SLC25A21: variants seen among roughly 807,000 people sequenced by gnomAD.
SLC25A21 encodes mitochondrial 2-oxodicarboxylate carrier.
Under a neutral mutation model 43.8 loss-of-function variants are expected in SLC25A21, and 47 were observed. The ratio of observed to expected loss-of-function variants is 1.07; its 90% CI spans 0.85 to 1.37. The LOEUF (loss-of-function observed/expected upper bound fraction) is 1.37, where lower values mean the gene tolerates loss of function less well. Ranked by LOEUF, SLC25A21 falls within the 40% of genes most tolerant of loss-of-function variation. SLC25A21 has a pLI of 0.00. For missense variants in SLC25A21, 352 were observed against 350.2 expected (o/e 1.00, Z -0.04); for synonymous variants, 131 against 121.3 (o/e 1.08, Z -0.52).
At chr14:36,898,376 G>A (rs183258256) in intron 1 of SLC25A21, among the ~76,000 whole-genome samples, 28 of 152,282 alleles carry the variant, frequency 1.8e-4, no homozygotes, top group South Asian at 8.3e-4. Flanking sequence ...TGCTAAGACC[G>A]TTGGAAAAGC....
At chr14:36,868,555 G>A (rs956685138) in intron 2 of SLC25A21, among the ~76,000 whole-genome samples, 10 of 152,198 alleles carry the variant, frequency 6.6e-5, no homozygotes, top group South Asian at 4.2e-4. Flanking sequence ...CTGGAATCTC[G>A]CCATAAAATA....
At chr14:37,058,371 A>T (rs1401086721) in intron 1 of SLC25A21, among the ~76,000 whole-genome samples, 1 of 152,224 alleles carries the variant, frequency 6.6e-6, no homozygotes, top group Non-Finnish European at 1.5e-5. Flanking sequence ...TGTGTATGCA[A>T]CTATTGAAAC....
intron 3 of SLC25A21, among the ~76,000 whole-genome samples, chr14:36,751,644 C>T (rs896380574): frequency 6.6e-6 from 1 of 152,168 alleles, no homozygotes; most frequent in African/African-American, 2.4e-5. Flanking sequence ...GTTTTCAGGA[C>T]CATTCACTTA....
At chr14:37,108,340 T>C (rs1428420902) in intron 1 of SLC25A21, among the ~76,000 whole-genome samples, 2 of 152,158 alleles carry the variant, frequency 1.3e-5, no homozygotes, top group South Asian at 2.1e-4. Context: ...AAATTTATGA[T>C]AGAAACCCAG....
At chr14:36,935,448 G>T (rs1267563710) in intron 1 of SLC25A21, among the ~76,000 whole-genome samples, 1 of 152,256 alleles carries the variant, frequency 6.6e-6, no homozygotes, top group African/African-American at 2.4e-5. Context: ...GCACACTGTG[G>T]TTCTCTTTTT....
intron 1 of SLC25A21, among the ~76,000 whole-genome samples, chr14:37,148,328 A>G (rs1963703281): frequency 6.6e-6 from 1 of 152,194 alleles, no homozygotes; most frequent in Admixed American, 6.5e-5. Context: ...GTAGCTACAC[A>G]TTGTATATTT....
At chr14:37,139,992 G>A (rs955948360) in intron 1 of SLC25A21, among the ~76,000 whole-genome samples, 1 of 152,184 alleles carries the variant, frequency 6.6e-6, no homozygotes, top group Non-Finnish European at 1.5e-5. Context: ...TAAAATTAAA[G>A]CATCACTGAA....
chr14:36,945,874 G>C (rs1414482063), intron 1 of SLC25A21, among the ~76,000 whole-genome samples: 2 of 152,066 alleles, frequency 1.3e-5, no homozygotes, highest in African/African-American at 4.8e-5. Context: ...TAAATTTTAT[G>C]TTATGTGTAT....
chr14:36,950,000 T>C (rs577254992), intron 1 of SLC25A21, among the ~76,000 whole-genome samples: 4 of 152,290 alleles, frequency 2.6e-5, no homozygotes, highest in Admixed American at 6.5e-5. Context: ...ATAACGGTAA[T>C]GTACAGTCTG....
intron 7 of SLC25A21, among the ~76,000 whole-genome samples, chr14:36,702,578 T>C (rs1883327746): frequency 6.6e-6 from 1 of 152,014 alleles, no homozygotes; most frequent in African/African-American, 2.4e-5. Flanking sequence ...ATTAGAATAC[T>C]TGTTTATAAA....
chr14:36,996,412 C>A (rs550758690), intron 1 of SLC25A21, among the ~76,000 whole-genome samples: 1 of 152,168 alleles, frequency 6.6e-6, no homozygotes, highest in South Asian at 2.1e-4. Flanking sequence ...TGGAGCCAGA[C>A]GACCAGGTTT....
intron 1 of SLC25A21, among the ~76,000 whole-genome samples, chr14:36,972,845 T>C (rs2138688512): frequency 6.6e-6 from 1 of 152,086 alleles, no homozygotes; most frequent in Admixed American, 6.5e-5. Context: ...TGTTTGTTTG[T>C]TTTGAGACAA....
At chr14:36,769,036 C>G (rs948668415) in intron 3 of SLC25A21, among the ~76,000 whole-genome samples, 1 of 152,004 alleles carries the variant, frequency 6.6e-6, no homozygotes, top group African/African-American at 2.4e-5. Flanking sequence ...AACTCATGTG[C>G]TAGACTGTCT....
intron 1 of SLC25A21, among the ~76,000 whole-genome samples, chr14:36,950,590 G>C (rs762522901): frequency 6.6e-5 from 10 of 152,122 alleles, no homozygotes; most frequent in Non-Finnish European, 1.3e-4. Flanking sequence ...CACCCAGTCT[G>C]TGGTATATTG....
At chr14:37,125,322 C>T (rs542224234) in intron 1 of SLC25A21, among the ~76,000 whole-genome samples, 22 of 152,284 alleles carry the variant, frequency 1.4e-4, no homozygotes, top group African/African-American at 4.6e-4. Context: ...TTAACATAAA[C>T]AGCTATGAAA....
chr14:36,831,861 AC>A (rs2138481571), intron 2 of SLC25A21, among the ~76,000 whole-genome samples: 1 of 152,336 alleles, frequency 6.6e-6, no homozygotes, highest in East Asian at 1.9e-4. Flanking sequence ...TAAATTTCAA[AC>A]CAAATTAGGA....
intron 1 of SLC25A21, among the ~76,000 whole-genome samples, chr14:36,990,334 G>A (rs1450463244): frequency 2.6e-5 from 4 of 152,232 alleles, no homozygotes; most frequent in African/African-American, 7.2e-5. Flanking sequence ...CAACTGATCT[G>A]TGGGTCTTTT....
At chr14:37,155,059 G>A (rs1963824601) in intron 1 of SLC25A21, among the ~76,000 whole-genome samples, 1 of 150,986 alleles carries the variant, frequency 6.6e-6, no homozygotes, top group African/African-American at 2.4e-5. Flanking sequence ...GAAAATCTCA[G>A]AACTAAAAGA....
At chr14:37,083,263 T>C (rs1265382570) in intron 1 of SLC25A21, among the ~76,000 whole-genome samples, 1 of 152,192 alleles carries the variant, frequency 6.6e-6, no homozygotes, top group African/African-American at 2.4e-5. Context: ...CAACAAGCAT[T>C]AAGAGCCTAT....
Sources: allele counts gnomAD v4.1 joint callset (sites outside exome capture counted in the v4.1 genomes callset), GRCh38; gene constraint gnomAD v4.1.1; transcripts MANE v1.5; gene names NCBI Gene and HGNC (gene_info 2026-07-23, HGNC 2026-07-21).